The following TOP6BL variants were observed in gnomAD, a reference collection of about 807,000 sequenced individuals.
TOP6BL encodes type 2 DNA topoisomerase 6 subunit B-like.
chr11:66,789,206 T>C, the TOP6BL span, among the ~76,000 whole-genome samples: 1 of 152,212 alleles, frequency 6.6e-6, no homozygotes, highest in Non-Finnish European at 1.5e-5. Context: ...GATCTCCTAA[T>C]AAAGAAAATT....
At chr11:66,747,928 A>G in the TOP6BL span, among the ~76,000 whole-genome samples, 1 of 152,082 alleles carries the variant, frequency 6.6e-6, no homozygotes, top group African/African-American at 2.4e-5. Flanking sequence ...CAGCATTAGC[A>G]CTCTTAAATA....
At chr11:66,822,300 C>A in the TOP6BL span, among the ~76,000 whole-genome samples, 4 of 149,812 alleles carry the variant, frequency 2.7e-5, no homozygotes, top group Non-Finnish European at 5.9e-5. Context: ...TGTCTGTTTT[C>A]TTGATCATTG....
chr11:66,762,231 A>C, the TOP6BL span: 28 of 590,050 alleles, frequency 4.7e-5, no homozygotes, highest in Non-Finnish European at 7.1e-5. Flanking sequence ...GCGAGGCCGC[A>C]GGGGGCCCGG....
chr11:66,777,101 CTATA>C, the TOP6BL span, among the ~76,000 whole-genome samples: 1 of 149,710 alleles, frequency 6.7e-6, no homozygotes, highest in Non-Finnish European at 1.5e-5. Context: ...ATATCTATAT[CTATA>C]TATCTATATC....
At chr11:66,773,888 C>G in the TOP6BL span, among the ~76,000 whole-genome samples, 1 of 152,182 alleles carries the variant, frequency 6.6e-6, no homozygotes, top group African/African-American at 2.4e-5. Context: ...AGGCCCCCAC[C>G]ACCAAGCCCA....
the TOP6BL span, among the ~76,000 whole-genome samples, chr11:66,766,383 A>C: frequency 6.6e-6 from 1 of 152,220 alleles, no homozygotes; most frequent in Non-Finnish European, 1.5e-5. Flanking sequence ...AGCAATGACC[A>C]TTGTAATCTC....
At chr11:66,797,088 C>T in the TOP6BL span, among the ~76,000 whole-genome samples, 1 of 151,712 alleles carries the variant, frequency 6.6e-6, no homozygotes, top group Non-Finnish European at 1.5e-5. Flanking sequence ...CAACCTCTGC[C>T]TCCCAGATTC....
chr11:66,787,941 T>A, the TOP6BL span, among the ~76,000 whole-genome samples: 2 of 152,166 alleles, frequency 1.3e-5, no homozygotes, highest in African/African-American at 2.4e-5. Flanking sequence ...TGTAAAAAAT[T>A]GAAAAGATGA....
the TOP6BL span, chr11:66,788,144 A>T: frequency 6.3e-7 from 1 of 1,578,160 alleles, no homozygotes; most frequent in Non-Finnish European, 8.7e-7. Flanking sequence ...CTTTGTTGCC[A>T]TTTCTTCTCA....
the TOP6BL span, among the ~76,000 whole-genome samples, chr11:66,816,661 A>G: frequency 1.3e-5 from 2 of 152,178 alleles, no homozygotes; most frequent in African/African-American, 4.8e-5. Flanking sequence ...TCCTGGGCTC[A>G]TGTGGTCCTC....
the TOP6BL span, among the ~76,000 whole-genome samples, chr11:66,814,349 C>A: frequency 3.3e-5 from 5 of 152,116 alleles, no homozygotes; most frequent in Admixed American, 3.3e-4. Flanking sequence ...ACCTCCGCCT[C>A]CCGGGTTCAA....
At chr11:66,808,631 C>G in the TOP6BL span, among the ~76,000 whole-genome samples, 4 of 151,736 alleles carry the variant, frequency 2.6e-5, no homozygotes, top group Non-Finnish European at 5.9e-5. Flanking sequence ...TACCTTTTAA[C>G]AAGAACAAAA....
the TOP6BL span, among the ~76,000 whole-genome samples, chr11:66,772,155 A>G: frequency 6.6e-6 from 1 of 152,202 alleles, no homozygotes; most frequent in Non-Finnish European, 1.5e-5. Context: ...GGAAGAGTTA[A>G]CTGTAAATGT....
the TOP6BL span, among the ~76,000 whole-genome samples, chr11:66,762,759 GCGCC>G: frequency 6.6e-6 from 1 of 152,272 alleles, no homozygotes. Flanking sequence ...GTGAGCCACC[GCGCC>G]CGGCCAATAC....
At chr11:66,760,374 A>G in the TOP6BL span, among the ~76,000 whole-genome samples, 2 of 151,188 alleles carry the variant, frequency 1.3e-5, no homozygotes, top group African/African-American at 4.8e-5. Context: ...CCTTGAACCC[A>G]GGAGGCAGAG....
the TOP6BL span, among the ~76,000 whole-genome samples, chr11:66,789,145 A>G: frequency 1.3e-5 from 2 of 152,224 alleles, no homozygotes; most frequent in Non-Finnish European, 1.5e-5. Context: ...GGTGATTCCT[A>G]ATATGCAGAT....
chr11:66,843,439 C>G, the TOP6BL span: 1 of 1,389,314 alleles, frequency 7.2e-7, no homozygotes, highest in South Asian at 1.7e-5. Context: ...CTGGTGCGCG[C>G]CGCGGGTCAG....
At chr11:66,828,004 A>C in the TOP6BL span, among the ~76,000 whole-genome samples, 1 of 147,822 alleles carries the variant, frequency 6.8e-6, no homozygotes, top group African/African-American at 2.5e-5. Flanking sequence ...GAGAGATGGG[A>C]AAACAAAGAC....
the TOP6BL span, among the ~76,000 whole-genome samples, chr11:66,782,902 CTT>C: frequency 6.6e-6 from 1 of 152,166 alleles, no homozygotes; most frequent in East Asian, 1.9e-4. Flanking sequence ...ATAATGATCT[CTT>C]TCTTCCTCCT....
Sources: gnomAD v4.1 joint callset for allele counts (sites outside exome capture counted in the v4.1 genomes callset) on GRCh38, gnomAD v4.1.1 for gene constraint, MANE v1.5 for transcripts, NCBI Gene and HGNC (gene_info 2026-07-23, HGNC 2026-07-21) for gene names.